The following A1CF variants were observed in gnomAD, a reference collection of about 807,000 sequenced individuals.
The protein encoded by A1CF is APOBEC-1 stimulating protein.
In A1CF, 48 loss-of-function variants were observed where a neutral mutation model predicts 68.9. The observed-to-expected ratio is 0.70, with a 90% CI of 0.55 to 0.89. The LOEUF (loss-of-function observed/expected upper bound fraction) is 0.89, where lower values mean the gene tolerates loss of function less well. A1CF is among the 40% of genes least tolerant of loss of function. A1CF has a pLI of 0.00. For synonymous variants in A1CF, 272 were observed against 260.4 expected (o/e 1.04, Z -0.43); for missense variants, 653 against 718.9 (o/e 0.91, Z 1.05).
At chr10:50,816,528 A>G in intron 8 of A1CF, 1 of 434,146 alleles carries the variant, frequency 2.3e-6, no homozygotes, top group East Asian at 3.8e-5. Context: ...TGACATATTC[A>G]TTATAAATTT....
chr10:50,835,139 T>C (rs1301726058), intron 6 of A1CF, among the ~76,000 whole-genome samples: 1 of 152,120 alleles, frequency 6.6e-6, no homozygotes, highest in Admixed American at 6.6e-5. Flanking sequence ...TGGGACTGTC[T>C]CATTTTTTTT....
intron 11 of A1CF, among the ~76,000 whole-genome samples, chr10:50,810,559 C>T (rs1838057405): frequency 1.3e-5 from 2 of 152,162 alleles, no homozygotes. Flanking sequence ...TAAGCAAACT[C>T]CACCTCTCAG....
chr10:50,855,961 T>A (rs565453339), intron 3 of A1CF, among the ~76,000 whole-genome samples: 1 of 152,126 alleles, frequency 6.6e-6, no homozygotes, highest in East Asian at 1.9e-4. Flanking sequence ...TCTTTCTTTC[T>A]TTTTGGATAA....
chr10:50,827,278 C>T (rs1011912684), intron 7 of A1CF, among the ~76,000 whole-genome samples: 5 of 152,046 alleles, frequency 3.3e-5, no homozygotes, highest in East Asian at 1.9e-4. Context: ...CTGCACCAAG[C>T]GGACCTAATA....
At chr10:50,819,522 C>A (rs1393397549) in intron 8 of A1CF, among the ~76,000 whole-genome samples, 1 of 152,146 alleles carries the variant, frequency 6.6e-6, no homozygotes, top group Admixed American at 6.6e-5. Flanking sequence ...ATGCTGTGAG[C>A]CCCAAATTCT....
chr10:50,837,835 T>C (rs190201607), intron 5 of A1CF, among the ~76,000 whole-genome samples: 4 of 152,192 alleles, frequency 2.6e-5, no homozygotes, highest in African/African-American at 9.6e-5. Context: ...AGAATATATA[T>C]TGGTTTAAAA....
chr10:50,860,448 A>C (rs1840692156), intron 2 of A1CF, among the ~76,000 whole-genome samples: 1 of 152,218 alleles, frequency 6.6e-6, no homozygotes, highest in Admixed American at 6.5e-5. Flanking sequence ...TATTCTCCAA[A>C]GATAAATTTT....
intron 1 of A1CF, among the ~76,000 whole-genome samples, chr10:50,883,931 T>C (rs1353836116): frequency 2.0e-5 from 3 of 152,192 alleles, no homozygotes; most frequent in South Asian, 2.1e-4. Context: ...GTTATAATAG[T>C]ATCACACCAT....
chr10:50,879,121 A>G (rs1471739059), intron 1 of A1CF, among the ~76,000 whole-genome samples: 1 of 152,208 alleles, frequency 6.6e-6, no homozygotes, highest in Non-Finnish European at 1.5e-5. Flanking sequence ...ACTTGTGGGA[A>G]CAAACTCTTA....
chr10:50,807,012 A>G, intron 12 of A1CF, 132 bp from the exon 13 acceptor site: 1 of 915,696 alleles, frequency 1.1e-6, no homozygotes, highest in Non-Finnish European at 1.6e-6. Context: ...TATGTTTTAA[A>G]AAGTGTCCTT....
intron 1 of A1CF, among the ~76,000 whole-genome samples, chr10:50,883,572 T>G (rs1159529756): frequency 2.6e-5 from 4 of 152,196 alleles, no homozygotes; most frequent in Admixed American, 6.5e-5. Flanking sequence ...TGGATTCTGA[T>G]TGTTCTGAAT....
In A1CF at chr10:50,828,201, T is replaced by A; in HGVS notation, c.699A>T (p.Leu233=). The A allele has an allele frequency of 6.2e-7, 1 of 1,609,810 alleles. No homozygotes were observed. Among genetic ancestry groups the A allele is most frequent in the Non-Finnish European group, 8.5e-7 (1 of 1,176,976 alleles). The change falls in exon 7 of 13, where the codon CTA becomes CTT. Residue 233 remains leucine (L), a synonymous_variant. Transcript: ENST00000373997. ...TAGACAGCATAAGATTTCTTACATA[T>A]AGGATTTTCACTGAAGACATTGTAT... The part of the protein sequence containing the change: ...DEDTMSSVKI[L]YVRNLMLSTS...
At chr10:50,877,723 T>C (rs1242979990) in intron 1 of A1CF, among the ~76,000 whole-genome samples, 3 of 152,270 alleles carry the variant, frequency 2.0e-5, no homozygotes, top group Admixed American at 6.5e-5. Context: ...TGTGAGGATC[T>C]GTATTTCTCT....
Position 50,841,989 on chromosome 10 carries a change from C to A in A1CF, c.238G>T (p.Gly80Cys). Residue 80 changes from glycine to cysteine, a missense_variant, in exon 5 of 13, where the codon GGT becomes TGT. Gly to Cys is a radical substitution (Grantham distance 159). Transcript: ENST00000373997. ...DELIPLCEKI[G>C]KIYEMRMMMD... ...ATCATTCTCATTTCATAAATTTTAC[C>A]GATCTGCAAGTAATAGAAATAGAAC... 3 of 1,607,198 alleles carry A rather than the reference C, an allele frequency of 1.9e-6. No individual in the cohort carries two copies. Among genetic ancestry groups the A allele is most frequent in the South Asian group, 1.1e-5 (1 of 90,236 alleles).
intron 3 of A1CF, chr10:50,850,642 C>G (rs775371867): frequency 2.5e-6 from 4 of 1,613,810 alleles, no homozygotes; most frequent in Non-Finnish European, 2.5e-6. Context: ...AATGCCAACT[C>G]ACTTCTAAGA....
intron 1 of A1CF, among the ~76,000 whole-genome samples, chr10:50,873,524 T>G (rs942165690): frequency 6.6e-6 from 1 of 152,212 alleles, no homozygotes; most frequent in Non-Finnish European, 1.5e-5. Flanking sequence ...TCTCTTTTTC[T>G]GTTTTATTCT....
At chr10:50,883,995 A>T (rs1043690209) in intron 1 of A1CF, among the ~76,000 whole-genome samples, 1 of 152,214 alleles carries the variant, frequency 6.6e-6, no homozygotes, top group Non-Finnish European at 1.5e-5. Context: ...TTAGAAGTAG[A>T]CCCGATAATA....
At chr10:50,879,683 A>G (rs942288725) in intron 1 of A1CF, among the ~76,000 whole-genome samples, 5 of 152,220 alleles carry the variant, frequency 3.3e-5, no homozygotes. Flanking sequence ...CATTATCATG[A>G]AAACAGCATG....
At chr10:50,877,138 G>A (rs1841551074) in intron 1 of A1CF, among the ~76,000 whole-genome samples, 1 of 152,138 alleles carries the variant, frequency 6.6e-6, no homozygotes, top group Non-Finnish European at 1.5e-5. Context: ...AAAGCAGAAT[G>A]TCTTTGTATA....
Sources: gnomAD v4.1 joint callset for allele counts (sites outside exome capture counted in the v4.1 genomes callset) on GRCh38, gnomAD v4.1.1 for gene constraint, MANE v1.5 for transcripts, NCBI Gene and HGNC (gene_info 2026-07-23, HGNC 2026-07-21) for gene names.